The following FSTL5 variants were observed in gnomAD, a reference collection of about 807,000 sequenced individuals.
FSTL5 encodes follistatin-related protein 5.
Under a neutral mutation model 89.1 loss-of-function variants are expected in FSTL5, and 62 were observed. That is an observed-to-expected ratio of 0.70 (90% CI 0.57 to 0.86). The LOEUF is 0.86. FSTL5 is among the 40% of genes least tolerant of loss of function. The probability of loss-of-function intolerance (pLI) is 0.00; values close to 1 mark genes in which losing one functional copy is unlikely to be tolerated. For missense variants in FSTL5, 1,057 were observed against 1,001.6 expected, an observed-to-expected ratio of 1.06 and a Z score of -0.75; for synonymous variants, 383 against 346.2, an observed-to-expected ratio of 1.11 and a Z score of -1.18.
At chr4:161,938,930 T>A (rs12511552) in intron 3 of FSTL5, among the ~76,000 whole-genome samples, 49,033 of 151,802 alleles carry the variant, frequency 0.32, 9,645 homozygotes, top group Non-Finnish European at 0.43. Flanking sequence ...CAAATGTTAA[T>A]TAGCTTATTA....
intron 13 of FSTL5, among the ~76,000 whole-genome samples, chr4:161,461,146 G>T (rs1262799896): frequency 1.3e-5 from 2 of 151,894 alleles, no homozygotes; most frequent in African/African-American, 2.4e-5. Context: ...TCATTTTGAG[G>T]CCATGAAGCT....
intron 3 of FSTL5, among the ~76,000 whole-genome samples, chr4:162,032,997 A>C (rs533154676): frequency 1.3e-5 from 2 of 152,258 alleles, no homozygotes; most frequent in East Asian, 3.9e-4. Flanking sequence ...CAACCTAAGA[A>C]AAGGTTGTGA....
chr4:161,733,105 C>T (rs1244337551), intron 6 of FSTL5, among the ~76,000 whole-genome samples: 1 of 151,834 alleles, frequency 6.6e-6, no homozygotes, highest in Non-Finnish European at 1.5e-5. Flanking sequence ...ATTGAGTCTT[C>T]TGTTTCCTGA....
At chr4:161,587,604 T>G in intron 7 of FSTL5, 29 bp from the exon 8 acceptor site, 1 of 1,554,150 alleles carries the variant, frequency 6.4e-7, no homozygotes, top group Non-Finnish European at 8.7e-7. Flanking sequence ...AACAAGGTGT[T>G]TGCATTTTGA....
At chr4:161,721,397 G>A (rs916508427) in intron 6 of FSTL5, among the ~76,000 whole-genome samples, 1 of 151,008 alleles carries the variant, frequency 6.6e-6, no homozygotes, top group African/African-American at 2.4e-5. Context: ...ATAAATAAAA[G>A]GTCCTGGAAA....
At chr4:161,449,093 G>T (rs1733060072) in intron 15 of FSTL5, among the ~76,000 whole-genome samples, 1 of 152,118 alleles carries the variant, frequency 6.6e-6, no homozygotes, top group African/African-American at 2.4e-5. Flanking sequence ...GCATTTTCAG[G>T]ATTTTATATA....
At chr4:161,396,942 G>A (rs1221194251) in intron 15 of FSTL5, among the ~76,000 whole-genome samples, 3 of 151,966 alleles carry the variant, frequency 2.0e-5, no homozygotes, top group Non-Finnish European at 2.9e-5. Flanking sequence ...TGTGAACTAG[G>A]GAGTATAATG....
chr4:161,718,809 A>G (rs146382569), intron 6 of FSTL5, among the ~76,000 whole-genome samples: 286 of 152,296 alleles, frequency 1.9e-3, no homozygotes, highest in African/African-American at 6.6e-3. Context: ...ATAAATCAAA[A>G]CATGGTAATG....
At chr4:161,670,587 G>C (rs1737064746) in intron 6 of FSTL5, among the ~76,000 whole-genome samples, 1 of 152,158 alleles carries the variant, frequency 6.6e-6, no homozygotes, top group African/African-American at 2.4e-5. Flanking sequence ...AAACAATTCA[G>C]CTAAAAGAGA....
chr4:161,606,069 A>G (rs1734428298), intron 7 of FSTL5, among the ~76,000 whole-genome samples: 1 of 149,404 alleles, frequency 6.7e-6, no homozygotes, highest in Non-Finnish European at 1.5e-5. Context: ...CACGTGGAGT[A>G]CAGCGAAGGT....
chr4:161,771,839 T>C (rs889429110), intron 5 of FSTL5, among the ~76,000 whole-genome samples: 1 of 152,186 alleles, frequency 6.6e-6, no homozygotes. Flanking sequence ...AATTTCACTT[T>C]GATATACATT....
rs907626563 is a variant in FSTL5, at chr4:162,096,312, A to T, written c.126+14959T>A. 4.0e-5 allele frequency among the ~76,000 whole-genome samples: 6 copies of T among 151,850 alleles called. 1 individual carries two copies. The highest frequency in any genetic ancestry group is 1.4e-4 in the African/African-American group (6 of 41,418). ...TAGGTTGTTGCAGCAGAATCCTAAG[A>T]CCAATCATCCAAGAATTTAACTTTT... On this transcript the variant is annotated intron_variant, in intron 2 of 15. Coordinates refer to ENST00000306100, the MANE Select transcript of FSTL5 (RefSeq NM_020116.5).
chr4:162,149,350 A>G (rs1168050642), intron 1 of FSTL5, among the ~76,000 whole-genome samples: 1 of 152,048 alleles, frequency 6.6e-6, no homozygotes, highest in African/African-American at 2.4e-5. Context: ...CTGCCGACCA[A>G]CCATCTGTCC....
intron 7 of FSTL5, among the ~76,000 whole-genome samples, chr4:161,636,446 GTTTTTTTTTTTTTC>G (rs1173152008): frequency 9.1e-6 from 1 of 109,782 alleles, no homozygotes; most frequent in Non-Finnish European, 1.8e-5. Context: ...TCTGGCAGTT[GTTTTTTTTTTTTTC>G]TTTTTTTTTT....
At chr4:161,593,969 G>A (rs544453631) in intron 7 of FSTL5, among the ~76,000 whole-genome samples, 3 of 152,132 alleles carry the variant, frequency 2.0e-5, no homozygotes, top group Non-Finnish European at 2.9e-5. Context: ...TGTACCTCAC[G>A]TGAACAGTAA....
intron 2 of FSTL5, among the ~76,000 whole-genome samples, chr4:162,051,863 A>T (rs1578988272): frequency 6.6e-6 from 1 of 151,824 alleles, no homozygotes; most frequent in South Asian, 2.1e-4. Context: ...ATTATCATGA[A>T]ACAAGAAAGG....
At chr4:161,738,942 T>C (rs1739910339) in intron 6 of FSTL5, among the ~76,000 whole-genome samples, 1 of 152,306 alleles carries the variant, frequency 6.6e-6, no homozygotes, top group African/African-American at 2.4e-5. Flanking sequence ...ATTTCTAAAA[T>C]TTACAAAGAA....
At chr4:162,122,206 T>A (rs1201034163) in intron 1 of FSTL5, among the ~76,000 whole-genome samples, 1 of 152,082 alleles carries the variant, frequency 6.6e-6, no homozygotes, top group Non-Finnish European at 1.5e-5. Flanking sequence ...AAAAGTACTT[T>A]TAATAGCAGC....
At chr4:161,742,346 T>C (rs908512567) in intron 6 of FSTL5, among the ~76,000 whole-genome samples, 13 of 152,140 alleles carry the variant, frequency 8.5e-5, no homozygotes, top group Admixed American at 6.5e-4. Context: ...AGCTGCATTA[T>C]TATCTAGAAA....
Sources: gnomAD v4.1 joint callset for allele counts (sites outside exome capture counted in the v4.1 genomes callset) on GRCh38, gnomAD v4.1.1 for gene constraint, MANE v1.5 for transcripts, NCBI Gene and HGNC (gene_info 2026-07-23, HGNC 2026-07-21) for gene names.